The following FCRL5 variants were observed in gnomAD, a reference collection of about 807,000 sequenced individuals.
The protein encoded by FCRL5 is Fc receptor like 5.
Under a neutral mutation model 92.1 loss-of-function variants are expected in FCRL5, and 79 were observed. The ratio of observed to expected loss-of-function variants is 0.86; its 90% confidence interval spans 0.72 to 1.03. The LOEUF (loss-of-function observed/expected upper bound fraction) is 1.03. Ranked by LOEUF, FCRL5 falls within the 50% of genes least tolerant of loss-of-function variation. FCRL5 has a pLI of 0.00. For synonymous variants in FCRL5, 466 were observed against 469.3 expected (o/e 0.99, Z 0.09); for missense variants, 1,160 against 1,181.1 (o/e 0.98, Z 0.26).
intron 6 of FCRL5, among the ~76,000 whole-genome samples, chr1:157,540,958 C>G (rs148311577): frequency 6.6e-6 from 1 of 152,134 alleles, no homozygotes; most frequent in Non-Finnish European, 1.5e-5. Flanking sequence ...GCTGAGGCCC[C>G]GAGTGGGTGA....
chr1:157,530,398 C>T (rs764758625), intron 8 of FCRL5, among the ~76,000 whole-genome samples: 11 of 152,162 alleles, frequency 7.2e-5, no homozygotes, highest in Admixed American at 3.3e-4. Flanking sequence ...CAGAGTTTCA[C>T]TCTTGTTGCC....
chr1:157,548,111 G>A (rs1651642603), intron 2 of FCRL5, among the ~76,000 whole-genome samples: 1 of 152,240 alleles, frequency 6.6e-6, no homozygotes, highest in Non-Finnish European at 1.5e-5. Context: ...AAGATGTCCT[G>A]CCTGGCTAAA....
At chr1:157,527,974 C>A in intron 8 of FCRL5, 79 bp from the exon 9 acceptor site, 1 of 1,416,436 alleles carries the variant, frequency 7.1e-7, no homozygotes. Flanking sequence ...AACAATCAGA[C>A]AAGAGAAAGA....
chr1:157,523,906 A>G, intron 10 of FCRL5: 1 of 315,910 alleles, frequency 3.2e-6, no homozygotes, highest in African/African-American at 2.1e-5. Context: ...TTAGAAGTCA[A>G]TGAGAGAAGA....
Position 157,544,368 on chromosome 1 carries a change from C to G in FCRL5, c.738G>C (p.Gln246His), listed in dbSNP as rs1651420909. 1 of 1,614,212 alleles carries G rather than the reference C, an allele frequency of 6.2e-7. No homozygotes were observed. ...GLGWSLSPNFQITAMWSKDSG... is the reference protein window; with the variant it reads ...GLGWSLSPNFHITAMWSKDSG... ...AATCTTTACTCCACATGGCAGTAAT[C>G]TGGAAATTCGGGGAGAGACTCCAGC... Residue 246 changes from glutamine to histidine, a missense_variant, in exon 5 of 17, where the codon CAG (glutamine) becomes CAC (histidine). Physicochemically the swap from Gln to His is conservative, Grantham distance 24 (BLOSUM62 0). Coordinates refer to ENST00000361835, the MANE Select transcript of FCRL5 (RefSeq NM_031281.3).
chr1:157,546,322 C>T (rs1174033804), intron 3 of FCRL5: 2 of 431,532 alleles, frequency 4.6e-6, no homozygotes, highest in African/African-American at 4.1e-5. Flanking sequence ...ATGGCGGGCT[C>T]TTGTAGTCCT....
intron 3 of FCRL5, chr1:157,546,225 A>G (rs754853901): frequency 1.8e-5 from 8 of 453,564 alleles, no homozygotes. Context: ...AGGTGAGCAG[A>G]TCACTTGAGC....
Position 157,544,498 on chromosome 1 carries a change from C to T in FCRL5, c.608G>A (p.Ser203Asn), listed in dbSNP as rs1349186517. ...VLRASSFQPI[S>N]GNPVTLTCET... ...ACAGGTCAGGGTCACTGGGTTCCCGCTGATGGGCTGGAAGGAGCTGGCTCT... is the reference window on the plus strand; with the variant it reads ...ACAGGTCAGGGTCACTGGGTTCCCGTTGATGGGCTGGAAGGAGCTGGCTCT... Residue 203 changes from serine (S) to asparagine (N), a missense_variant, in exon 5 of 17, where the codon AGC (serine) becomes AAC (asparagine). Physicochemically the swap from Ser to Asn is conservative, Grantham distance 46 (BLOSUM62 1). Coordinates refer to ENST00000361835, the MANE Select transcript of FCRL5 (RefSeq NM_031281.3). The T allele has an allele frequency of 1.2e-6, 2 of 1,614,176 alleles. No homozygotes were observed. Among genetic ancestry groups the T allele is most frequent in the African/African-American group, 1.3e-5 (1 of 75,038 alleles).
intron 6 of FCRL5, chr1:157,541,866 G>C (rs1651278894): frequency 1.3e-5 from 2 of 152,258 alleles, no homozygotes; most frequent in African/African-American, 4.8e-5. Context: ...GTGAGTCATT[G>C]AATAGGACTT....
chr1:157,524,463 G>T lies in FCRL5; in HGVS notation c.2055C>A (p.Gly685=), dbSNP rs751485601. 1 of 1,614,204 alleles carries T rather than the reference G, an allele frequency of 6.2e-7. No individual in the cohort carries two copies. The highest frequency in any genetic ancestry group is 1.1e-5 in the South Asian group (1 of 91,086). Residue 685 remains glycine, a synonymous_variant, in exon 10 of 17, where the codon GGC becomes GGA. Coordinates refer to ENST00000361835, the MANE Select transcript of FCRL5 (RefSeq NM_031281.3). ...LLELHCEALR[G]SSPILYWFYH... The stretch of plus-strand genomic sequence containing the variant: ...AAAACCAGTACAGGATTGGGGAGGA[G>T]CCTCTCAGGGCCTCACAGTGAAGCT...
intron 7 of FCRL5, among the ~76,000 whole-genome samples, 191 bp downstream of exon 7, chr1:157,538,895 C>T (rs892491424): frequency 1.3e-5 from 2 of 152,190 alleles, no homozygotes; most frequent in African/African-American, 4.8e-5. Context: ...GGTGGGAAGG[C>T]ACCCAGACTG....
chr1:157,549,483 T>C lies in FCRL5; in HGVS notation c.52+77A>G, dbSNP rs1358546686. ...AGATATTGGAGATCTCAGGCAGCCA[T>C]CACAAATGTTTTCTATTTATTAGGA... On this transcript the variant is annotated intron_variant, in intron 2 of 16. Transcript: ENST00000361835. The C allele has an allele frequency of 3.0e-6, 4 of 1,326,922 alleles. No individual in the cohort carries two copies. In the Admixed American group the frequency reaches 6.3e-5, roughly 21 times the overall value. 82.2% of individuals were successfully genotyped at this position (1,326,922 alleles called of 1,614,324 possible). A position where few individuals can be genotyped will look rare whatever the true frequency, so the allele number is the denominator to read the frequency against.
At position 157,542,972 on chromosome 1, in the gene FCRL5, C is replaced by A. The variant is rs777379244; in HGVS notation, c.1010G>T (p.Arg337Met). 8.1e-6 allele frequency: 13 copies of A among 1,614,256 alleles called. No individual in the cohort carries two copies. Among genetic ancestry groups the A allele is most frequent in the Non-Finnish European group, 1.0e-5 (12 of 1,180,048 alleles). Residue 337 changes from arginine to methionine, a missense_variant, in exon 6 of 17, where the codon AGG becomes ATG. By Grantham distance (91) the Arg-to-Met change is moderately conservative. Coordinates refer to ENST00000361835, the MANE Select transcript of FCRL5 (RefSeq NM_031281.3). ...CAGTGAGAAGCTGATGGATGCTCCC[C>A]TTTCACAGCGGACTGACTTGTGCCT... ...PLRHKSVRCERGASISFSLTT... is the reference protein window; with the variant it reads ...PLRHKSVRCEMGASISFSLTT...
At position 157,534,783 on chromosome 1, in the gene FCRL5, T is replaced by C. The variant is rs1466331960; in HGVS notation, c.1512A>G (p.Leu504=). The part of the protein sequence containing the change: ...CEVQRGSPQI[L]YQFYHEDMPL... ...GCATGTCCTCATGATAAAACTGGTA[T>C]AGGATTTGTGGGGAACCTCTCTGGA... Residue 504 remains leucine (L), a synonymous_variant, in exon 8 of 17, where the codon CTA becomes CTG. Transcript: ENST00000361835. 4.3e-6 allele frequency: 7 copies of C among 1,613,852 alleles called. No homozygotes were observed. The Admixed American group carries it at 1.2e-4, about 27-fold the overall frequency.
intron 8 of FCRL5, among the ~76,000 whole-genome samples, chr1:157,530,898 T>C (rs1307848365): frequency 6.6e-6 from 1 of 152,224 alleles, no homozygotes; most frequent in Non-Finnish European, 1.5e-5. Flanking sequence ...TAATAACATA[T>C]AATGTCAAAT....
At position 157,521,076 on chromosome 1, in the gene FCRL5, C is replaced by T; in HGVS notation, c.2456G>A (p.Cys819Tyr). ...LTAEHSGNYS[C>Y]EADNGLGAQR... The stretch of plus-strand genomic sequence containing the variant: ...GGCCCCGAGGCCATTGTCGGCCTCA[C>T]AGGAGTAGTTTCCAGAGTGCTCTGC... Residue 819 changes from cysteine to tyrosine, a missense_variant, in exon 11 of 17, where the codon TGT (cysteine) becomes TAT (tyrosine). Cys to Tyr is a radical substitution (Grantham distance 194). Transcript: ENST00000361835. 1 of 1,614,148 alleles carries T rather than the reference C, an allele frequency of 6.2e-7. No homozygotes were observed. Among genetic ancestry groups the T allele is most frequent in the South Asian group, 1.1e-5 (1 of 91,080 alleles).
chr1:157,515,808 G>A (rs1649896696), intron 16 of FCRL5, 34 bp downstream of exon 16: 7 of 1,613,122 alleles, frequency 4.3e-6, no homozygotes, highest in Admixed American at 1.7e-5. Context: ...GTGGGCCTGG[G>A]GGTGGGGGAG....
chr1:157,544,443 A>G lies in FCRL5; in HGVS notation c.663T>C (p.Asp221=), dbSNP rs149556320. ...TGAAGAAGCGGAACCGGAGCGGGACATCTGACCTCTCTAGAGAGAGCTGGG... is the reference window on the plus strand; with the variant it reads ...TGAAGAAGCGGAACCGGAGCGGGACGTCTGACCTCTCTAGAGAGAGCTGGG... ...CETQLSLERS[D]VPLRFRFFRD... Residue 221 remains aspartate (D), a synonymous_variant, in exon 5 of 17, where the codon GAT becomes GAC. Coordinates refer to ENST00000361835, the MANE Select transcript of FCRL5 (RefSeq NM_031281.3). The G allele has an allele frequency of 5.2e-4, 846 of 1,614,214 alleles. 5 individuals are homozygous for G. In the African/African-American group the frequency reaches 9.4e-3, roughly 18 times the overall value.
intron 6 of FCRL5, among the ~76,000 whole-genome samples, chr1:157,540,430 T>A (rs1651203943): frequency 6.6e-6 from 1 of 152,122 alleles, no homozygotes; most frequent in South Asian, 2.1e-4. Flanking sequence ...TGTCTTTTCA[T>A]CCTGTGCTCA....
Sources: allele counts gnomAD v4.1 joint callset (sites outside exome capture counted in the v4.1 genomes callset), GRCh38; gene constraint gnomAD v4.1.1; transcripts MANE v1.5; gene names NCBI Gene and HGNC (gene_info 2026-07-23, HGNC 2026-07-21).